DEFB134: variants seen among roughly 807,000 people sequenced by gnomAD.
The protein encoded by DEFB134 is beta-defensin 134.
In DEFB134, 7 loss-of-function variants were observed where a neutral mutation model predicts 7.4. The ratio of observed to expected loss-of-function variants is 0.95; its 90% CI spans 0.54 to 1.79. The LOEUF is 1.79. Among genes scored for constraint, DEFB134 ranks in the 40% most tolerant of loss-of-function variants. The pLI is 0.00. For synonymous variants in DEFB134, 33 were observed against 25.0 expected, an observed-to-expected ratio of 1.32 and a Z score of -0.96; for missense variants, 105 against 74.8, an observed-to-expected ratio of 1.40 and a Z score of -1.49.
upstream of DEFB134, among the ~76,000 whole-genome samples, chr8:11,999,930 C>T (rs553108766): frequency 4.6e-5 from 7 of 152,312 alleles, no homozygotes; most frequent in East Asian, 1.9e-4. Flanking sequence ...ATATGCTCCA[C>T]GCTAGGACTA....
chr8:12,000,047 C>G (rs1336997555), upstream of DEFB134, among the ~76,000 whole-genome samples: 1 of 152,214 alleles, frequency 6.6e-6, no homozygotes, highest in Non-Finnish European at 1.5e-5. Context: ...ATACTCTCAG[C>G]TGCAATTGAA....
intron 1 of DEFB134, among the ~76,000 whole-genome samples, chr8:11,995,598 C>G (rs2150559315): frequency 6.6e-6 from 1 of 152,320 alleles, no homozygotes; most frequent in East Asian, 1.9e-4. Flanking sequence ...CTCAGTGATT[C>G]TCTTGAAACT....
At chr8:11,994,022 C>T in exon 2 of DEFB134, 1 of 1,613,934 alleles carries the variant, frequency 6.2e-7, no homozygotes, top group South Asian at 1.1e-5. Context: ...CCAGCTGAAA[C>T]ATACAGTAGG....
chr8:11,993,796 A>T, exon 2 of DEFB134: 1 of 718,210 alleles, frequency 1.4e-6, no homozygotes, highest in Non-Finnish European at 2.0e-6. Context: ...GAGCTCTTTT[A>T]AAGAAGGCTA....
upstream of DEFB134, among the ~76,000 whole-genome samples, chr8:11,999,659 T>C (rs773510087): frequency 6.6e-6 from 1 of 152,194 alleles, no homozygotes; most frequent in African/African-American, 2.4e-5. Flanking sequence ...TGAGTTTTGC[T>C]CTAAAAGGTA....
At chr8:11,997,982 C>T (rs1320180451), upstream of DEFB134, among the ~76,000 whole-genome samples, 2 of 152,186 alleles carry the variant, frequency 1.3e-5, no homozygotes, top group African/African-American at 2.4e-5. Context: ...TAAAGCAATC[C>T]TTAACAAATT....
chr8:11,994,751 T>G (rs1800072478), intron 1 of DEFB134, among the ~76,000 whole-genome samples: 1 of 152,236 alleles, frequency 6.6e-6, no homozygotes, highest in South Asian at 2.1e-4. Context: ...AACCAATTTT[T>G]ATAAATCCTG....
At chr8:11,999,140 C>G (rs575096737), upstream of DEFB134, 2 of 163,946 alleles carry the variant, frequency 1.2e-5, no homozygotes, top group African/African-American at 4.8e-5. Flanking sequence ...GAAGTTCATA[C>G]TAAAATTGAC....
At position 11,995,865 on chromosome 8, in the gene DEFB134, A is replaced by G. The variant is rs192359881; in HGVS notation, c.58+329T>C. ...TATTATGTATGGACATATTCCATAC[A>G]TGATCTGATTTAATCCTTGTGAGAC... On this transcript the variant is annotated intron_variant, in intron 1 of 1. Transcript: ENST00000526438. 4.2e-3 allele frequency among the ~76,000 whole-genome samples: 641 copies of G among 151,966 alleles called. 2 individuals are homozygous for G. The highest frequency in any genetic ancestry group is 5.8e-3 in the Non-Finnish European group (397 of 68,010).
At chr8:11,994,219 G>T in intron 1 of DEFB134, 97 bp from the exon 3 acceptor site, 4 of 1,394,806 alleles carry the variant, frequency 2.9e-6, no homozygotes, top group Non-Finnish European at 3.9e-6. Flanking sequence ...ATACCAAGGA[G>T]ATTTGGTTAT....
At chr8:11,996,131 T>C in intron 1 of DEFB134, 63 bp downstream of exon 2, 2 of 1,587,992 alleles carry the variant, frequency 1.3e-6, no homozygotes, top group Non-Finnish European at 1.7e-6. Context: ...GTTTATTGGG[T>C]TGTTTAGTGG....
exon 2 of DEFB134, chr8:11,993,176 C>G (rs6601645): frequency 0.45 from 68,046 of 152,104 alleles, 17,905 homozygotes; most frequent in African/African-American, 0.73. Flanking sequence ...AGTCCAAATG[C>G]ATTTAGGCAG....
chr8:11,999,196 C>G (rs922084514), upstream of DEFB134: 5 of 196,862 alleles, frequency 2.5e-5, no homozygotes, highest in Admixed American at 2.6e-4. Flanking sequence ...TAGCAACCAG[C>G]CAGTGAGGGC....
At chr8:11,999,324 C>A, upstream of DEFB134, 1 of 223,182 alleles carries the variant, frequency 4.5e-6, no homozygotes, top group East Asian at 1.1e-4. Flanking sequence ...CTGGAAACCT[C>A]AACCTCAGAG....
At chr8:11,993,981 C>G in exon 2 of DEFB134, 1 of 1,611,648 alleles carries the variant, frequency 6.2e-7, no homozygotes. Flanking sequence ...TTTCTTATGT[C>G]AGGGTGCAGG....
chr8:11,997,887 G>C (rs553523116), upstream of DEFB134, among the ~76,000 whole-genome samples: 13 of 152,262 alleles, frequency 8.5e-5, 1 homozygote, highest in South Asian at 1.9e-3. Context: ...GACATCTATG[G>C]AGCATTCCAC....
upstream of DEFB134, among the ~76,000 whole-genome samples, chr8:12,000,468 CA>C (rs1360594733): frequency 6.6e-6 from 1 of 152,148 alleles, no homozygotes; most frequent in Non-Finnish European, 1.5e-5. Flanking sequence ...ATTCCTTATT[CA>C]TGGGGCTATG....
upstream of DEFB134, among the ~76,000 whole-genome samples, chr8:11,997,752 A>T (rs774103091): frequency 2.0e-5 from 3 of 152,238 alleles, no homozygotes; most frequent in Admixed American, 6.5e-5. Context: ...AGAGACTTAG[A>T]TAACCACACA....
At chr8:11,995,178 C>T (rs1279955753) in intron 1 of DEFB134, among the ~76,000 whole-genome samples, 5 of 152,124 alleles carry the variant, frequency 3.3e-5, no homozygotes, top group African/African-American at 9.7e-5. Flanking sequence ...ATGGAAATGA[C>T]AAGTTATGAG....
Sources: allele counts gnomAD v4.1 joint callset (sites outside exome capture counted in the v4.1 genomes callset), GRCh38; gene constraint gnomAD v4.1.1; transcripts MANE v1.5; gene names NCBI Gene and HGNC (gene_info 2026-07-23, HGNC 2026-07-21).